KIAA1217: variants seen among roughly 807,000 people sequenced by gnomAD.
KIAA1217 encodes KIAA1217.
Under a neutral mutation model 163.9 loss-of-function variants are expected in KIAA1217, and 88 were observed. The ratio of observed to expected loss-of-function variants is 0.54; its 90% CI spans 0.45 to 0.64. The LOEUF is 0.64. Ranked by LOEUF, KIAA1217 falls within the 30% of genes least tolerant of loss-of-function variation. The pLI is 0.00. For missense variants in KIAA1217, 2,372 were observed against 2,475.0 expected (o/e 0.96, Z 0.88); for synonymous variants, 903 against 923.1 (o/e 0.98, Z 0.39).
chr10:24,249,171 A>G (rs2074194345), intron 2 of KIAA1217, among the ~76,000 whole-genome samples: 1 of 152,184 alleles, frequency 6.6e-6, no homozygotes, highest in Non-Finnish European at 1.5e-5. Context: ...TTTTCCCTGG[A>G]CATATTTTCT....
Position 24,254,881 on chromosome 10 carries a change from T to C in KIAA1217, c.354+34972T>C, listed in dbSNP as rs2074975349. On this transcript the variant is annotated intron_variant, in intron 2 of 20. Coordinates refer to ENST00000376454, the MANE Select transcript of KIAA1217 (RefSeq NM_019590.5). ...ATTTTTTTTTTTTTTTGAGACGGAG[T>C]CTTACTCTGTCACCCAGGCTGGAGT... Among the ~76,000 whole-genome samples, 5 of 149,532 alleles carry C rather than the reference T, an allele frequency of 3.3e-5. No individual in the cohort carries two copies. The South Asian group carries it at 1.1e-3, about 32-fold the overall frequency.
chr10:24,190,718 C>T (rs1460593740), intron 2 of KIAA1217, among the ~76,000 whole-genome samples: 1 of 152,174 alleles, frequency 6.6e-6, no homozygotes, highest in Admixed American at 6.5e-5. Context: ...ATTTTCTTAA[C>T]ACCTTTCCAT....
At chr10:23,983,717 G>T (rs995681012) in intron 1 of KIAA1217, among the ~76,000 whole-genome samples, 3 of 152,122 alleles carry the variant, frequency 2.0e-5, no homozygotes, top group African/African-American at 7.2e-5. Flanking sequence ...GTAGACAGTG[G>T]CCTTCCCTCT....
chr10:23,927,113 T>C (rs1843053609), intron 1 of KIAA1217, among the ~76,000 whole-genome samples: 1 of 151,680 alleles, frequency 6.6e-6, no homozygotes, highest in African/African-American at 2.4e-5. Flanking sequence ...TCTGATGTTG[T>C]CCAGGCTGAT....
intron 2 of KIAA1217, among the ~76,000 whole-genome samples, chr10:24,078,136 G>A (rs914657797): frequency 6.6e-6 from 1 of 152,164 alleles, no homozygotes; most frequent in Non-Finnish European, 1.5e-5. Context: ...CATTCTGTAG[G>A]TTGTCTGTAA....
intron 2 of KIAA1217, among the ~76,000 whole-genome samples, chr10:24,019,980 A>C (rs1330143797): frequency 3.3e-5 from 5 of 152,086 alleles, no homozygotes; most frequent in Non-Finnish European, 7.4e-5. Flanking sequence ...ATCAAGATAC[A>C]TTACTGTGAA....
At chr10:24,496,371 G>A (rs971041878) in intron 8 of KIAA1217, among the ~76,000 whole-genome samples, 17 of 152,178 alleles carry the variant, frequency 1.1e-4, no homozygotes, top group African/African-American at 4.1e-4. Context: ...AGTTTGTTTC[G>A]GAGATACTTA....
chr10:24,375,099 T>C (rs2052292787), intron 2 of KIAA1217, among the ~76,000 whole-genome samples: 1 of 152,166 alleles, frequency 6.6e-6, no homozygotes, highest in African/African-American at 2.4e-5. Flanking sequence ...GGGCTCGCTG[T>C]TCGAAATATA....
At chr10:24,448,542 A>G (rs2061147099) in intron 5 of KIAA1217, among the ~76,000 whole-genome samples, 1 of 152,088 alleles carries the variant, frequency 6.6e-6, no homozygotes, top group African/African-American at 2.4e-5. Flanking sequence ...ACACACCACA[A>G]TACTTGGCTA....
chr10:23,773,870 G>A (rs938356464), intron 1 of KIAA1217, among the ~76,000 whole-genome samples: 14 of 152,030 alleles, frequency 9.2e-5, no homozygotes, highest in African/African-American at 3.4e-4. Context: ...CTGAGACAAT[G>A]GGGTTTTCTA....
At chr10:23,891,940 AC>A (rs1841436209) in intron 1 of KIAA1217, among the ~76,000 whole-genome samples, 1 of 151,906 alleles carries the variant, frequency 6.6e-6, no homozygotes, top group Admixed American at 6.6e-5. Context: ...TATTTTTTCA[AC>A]TTATAAATCT....
Position 24,177,299 on chromosome 10 carries a change from T to TATATTTA in KIAA1217, c.-170-42326_-170-42325insTATTTAA, listed in dbSNP as rs1554894744. On this transcript the variant is annotated intron_variant, in intron 2 of 18. Coordinates refer to the KIAA1217 transcript ENST00000376462. Reference sequence around the variant, plus strand: ...TATATATATATATATATATATATATTACAATTTCTTTGTCATATATATCAC... The same window carrying TATATTTA: ...TATATATATATATATATATATATATTATATTTAACAATTTCTTTGTCATATATATCAC... 1.3e-4 allele frequency among the ~76,000 whole-genome samples: 6 copies of TATATTTA among 46,912 alleles called. No homozygotes were observed. The East Asian group carries it at 4.3e-3, about 34-fold the overall frequency. The allele number at this position is 46,912 out of a possible 152,430, so 30.8% of individuals were successfully genotyped here.
intron 1 of KIAA1217, among the ~76,000 whole-genome samples, chr10:23,943,753 G>A (rs1254275405): frequency 2.0e-5 from 3 of 152,214 alleles, no homozygotes; most frequent in Non-Finnish European, 4.4e-5. Flanking sequence ...AGGACAGTAT[G>A]GCAGTGTGGT....
chr10:24,524,935 T>G (rs886424832), intron 13 of KIAA1217, among the ~76,000 whole-genome samples, 171 bp downstream of exon 13: 2 of 108,574 alleles, frequency 1.8e-5, no homozygotes, highest in Non-Finnish European at 4.5e-5. Context: ...GTCATGTGGT[T>G]TCAGAGAAGG....
intron 2 of KIAA1217, among the ~76,000 whole-genome samples, chr10:24,026,004 T>A (rs1847925676): frequency 6.6e-6 from 1 of 151,866 alleles, no homozygotes; most frequent in African/African-American, 2.4e-5. Flanking sequence ...TATTTCATTT[T>A]CTTGCTTTAT....
At chr10:24,150,893 G>A (rs1011972454) in intron 2 of KIAA1217, among the ~76,000 whole-genome samples, 2 of 152,168 alleles carry the variant, frequency 1.3e-5, no homozygotes, top group African/African-American at 4.8e-5. Flanking sequence ...TCCCCAGGGG[G>A]TACTGAGGCA....
chr10:24,312,932 A>G (rs2042897498), intron 2 of KIAA1217, among the ~76,000 whole-genome samples: 1 of 152,114 alleles, frequency 6.6e-6, no homozygotes, highest in African/African-American at 2.4e-5. Flanking sequence ...ACAAAACCCT[A>G]CATATCTTAA....
intron 2 of KIAA1217, among the ~76,000 whole-genome samples, chr10:24,022,839 C>A (rs1387612464): frequency 6.7e-6 from 1 of 148,696 alleles, no homozygotes; most frequent in African/African-American, 2.5e-5. Flanking sequence ...CCAAAAGATT[C>A]AAAAATAAAA....
intron 2 of KIAA1217, among the ~76,000 whole-genome samples, chr10:24,080,230 C>T (rs1227691444): frequency 6.6e-6 from 1 of 152,126 alleles, no homozygotes; most frequent in Non-Finnish European, 1.5e-5. Flanking sequence ...AAATCAGGTC[C>T]CTTCTGTTGG....
Sources: gnomAD v4.1 joint callset for allele counts (sites outside exome capture counted in the v4.1 genomes callset) on GRCh38, gnomAD v4.1.1 for gene constraint, MANE v1.5 for transcripts, NCBI Gene and HGNC (gene_info 2026-07-23, HGNC 2026-07-21) for gene names.